CROT: variants seen among roughly 807,000 people sequenced by gnomAD.
CROT encodes peroxisomal carnitine O-octanoyltransferase.
Under a neutral mutation model 89.2 loss-of-function variants are expected in CROT, and 84 were observed. The ratio of observed to expected loss-of-function variants is 0.94; its 90% CI spans 0.79 to 1.13. CROT has a LOEUF of 1.13. Among genes scored for constraint, CROT ranks in the 50% most tolerant of loss-of-function variants. The probability of loss-of-function intolerance (pLI) is 0.00; values close to 1 mark genes in which losing one functional copy is unlikely to be tolerated. For synonymous variants in CROT, 212 were observed against 239.5 expected (o/e 0.89, Z 1.06); for missense variants, 711 against 727.8 (o/e 0.98, Z 0.27).
At chr7:87,350,909 G>A (rs1441545762) in intron 3 of CROT, among the ~76,000 whole-genome samples, 3 of 152,300 alleles carry the variant, frequency 2.0e-5, no homozygotes, top group Admixed American at 6.5e-5. Context: ...GCCTAAAGTG[G>A]TGATGTTATT....
chr7:87,361,506 G>A lies in CROT; in HGVS notation c.357G>A (p.Gly119=). 2 of 1,612,538 alleles carry A rather than the reference G, an allele frequency of 1.2e-6. No homozygotes were observed. The highest frequency in any genetic ancestry group is 1.7e-6 in the Non-Finnish European group (2 of 1,179,674). The change falls in exon 5 of 18, where the codon GGG becomes GGA. Residue 119 remains glycine, a synonymous_variant. Transcript: ENST00000331536. ...HFEHYWPPKE[G]TQLERGSITL... ...AACACTACTGGCCTCCAAAGGAAGG[G>A]ACTCAATTAGAAAGAGGAAGTATAA...
At chr7:87,376,376 T>G (rs552956037) in intron 9 of CROT, among the ~76,000 whole-genome samples, 1 of 152,220 alleles carries the variant, frequency 6.6e-6, no homozygotes, top group African/African-American at 2.4e-5. Context: ...GTCACCCTTG[T>G]AAGTCATTTA....
chr7:87,358,075 C>A (rs1247444287), intron 3 of CROT, among the ~76,000 whole-genome samples: 1 of 152,192 alleles, frequency 6.6e-6, no homozygotes, highest in Non-Finnish European at 1.5e-5. Context: ...TCCTTAACAA[C>A]ACTGTTAGAA....
At chr7:87,383,066 A>G (rs770088477) in intron 13 of CROT, among the ~76,000 whole-genome samples, 2 of 152,206 alleles carry the variant, frequency 1.3e-5, no homozygotes, top group Non-Finnish European at 2.9e-5. Context: ...AAATCACGGT[A>G]ATTGGGATGT....
chr7:87,393,425 A>G (rs1807431423), intron 17 of CROT, among the ~76,000 whole-genome samples: 1 of 152,226 alleles, frequency 6.6e-6, no homozygotes, highest in African/African-American at 2.4e-5. Context: ...ATGTAGTCAT[A>G]GACAATATTA....
At chr7:87,382,260 A>C in intron 12 of CROT, 79 bp downstream of exon 12, 1 of 1,426,084 alleles carries the variant, frequency 7.0e-7, no homozygotes, top group Non-Finnish European at 9.8e-7. Context: ...CTGTCATCCA[A>C]GCATGTCTGC....
chr7:87,349,912 T>C (rs1162367454), intron 3 of CROT, among the ~76,000 whole-genome samples: 5 of 152,144 alleles, frequency 3.3e-5, no homozygotes, highest in Admixed American at 3.3e-4. Flanking sequence ...CTCATAATAG[T>C]GTGCAGTGAG....
chr7:87,354,510 A>G, intron 3 of CROT: 2 of 439,724 alleles, frequency 4.5e-6, no homozygotes, highest in Non-Finnish European at 9.2e-6. Flanking sequence ...TGTATTTTAA[A>G]AGCCAAAAGT....
chr7:87,347,399 T>G (rs1307077104), intron 2 of CROT, among the ~76,000 whole-genome samples: 1 of 152,238 alleles, frequency 6.6e-6, no homozygotes, highest in Non-Finnish European at 1.5e-5. Flanking sequence ...TTGAATTGTA[T>G]GATTAACCAC....
intron 13 of CROT, among the ~76,000 whole-genome samples, chr7:87,383,466 CTGAG>C (rs1420577583): frequency 1.3e-5 from 2 of 150,842 alleles, no homozygotes; most frequent in Non-Finnish European, 3.0e-5. Flanking sequence ...TTTATTTTGG[CTGAG>C]TAATATTCCA....
chr7:87,381,941 A>T lies in CROT; in HGVS notation c.1010A>T (p.Asn337Ile). 1 of 1,610,950 alleles carries T rather than the reference A, an allele frequency of 6.2e-7. No homozygotes were observed. Among genetic ancestry groups the T allele is most frequent in the Non-Finnish European group, 8.5e-7 (1 of 1,178,390 alleles). ...HAPFDAMIMVNISYYVDEKIF... is the reference protein window; with the variant it reads ...HAPFDAMIMVIISYYVDEKIF... ...CCTTTTGATGCAATGATTATGGTGA[A>T]CATCAGTTATTATGTGGATGAGAAA... Residue 337 changes from asparagine to isoleucine, a missense_variant, in exon 11 of 18, where the codon AAC (asparagine) becomes ATC (isoleucine). Transcript: ENST00000331536.
chr7:87,355,050 T>C (rs1282768239), intron 3 of CROT, among the ~76,000 whole-genome samples: 2 of 152,120 alleles, frequency 1.3e-5, no homozygotes, highest in Non-Finnish European at 2.9e-5. Context: ...TACAAGATAC[T>C]TTTTCATACA....
Position 87,392,829 on chromosome 7 carries a change from A to G in CROT, c.1598+6A>G. On this transcript the variant is annotated splice_donor_region_variant and intron_variant, in intron 16 of 17. Transcript: ENST00000331536. ...GACCCACTTTTTTCCAAAAGGTAAT[A>G]TAGTGTAGTGTTTTACAGCTTCATC... 3 of 1,612,338 alleles carry G rather than the reference A, an allele frequency of 1.9e-6. No individual in the cohort carries two copies. Among genetic ancestry groups the G allele is most frequent in the South Asian group, 1.1e-5 (1 of 90,792 alleles).
chr7:87,371,656 TCTC>T (rs1223004434), intron 7 of CROT, among the ~76,000 whole-genome samples: 2 of 152,098 alleles, frequency 1.3e-5, no homozygotes, highest in African/African-American at 4.8e-5. Flanking sequence ...GACACCCACT[TCTC>T]CTAATCATTG....
chr7:87,381,992 AG>A lies in CROT; in HGVS notation c.1062+1del, dbSNP rs752698654. 7.5e-6 allele frequency: 12 copies of A among 1,599,668 alleles called. No individual in the cohort carries two copies. The highest frequency in any genetic ancestry group is 1.0e-5 in the Non-Finnish European group (12 of 1,168,556). ...ATTTTTCAGAATGAAGGAAGATGGA[AG>A]GTATGTTTGAATAAATATTTCATCT... ...EKIFQNEGRW[K>X]GSEKVRDIPL... On this transcript the variant is annotated frameshift_variant and splice_region_variant, in exon 11 of 18. Coordinates refer to ENST00000331536, the MANE Select transcript of CROT (RefSeq NM_021151.4). LOFTEE classifies it high-confidence loss of function.
chr7:87,395,912 G>C (rs1453007963), intron 17 of CROT, among the ~76,000 whole-genome samples: 1 of 152,154 alleles, frequency 6.6e-6, no homozygotes, highest in Non-Finnish European at 1.5e-5. Flanking sequence ...TACCCCAATG[G>C]AAGAGAACAT....
chr7:87,375,158 T>C (rs1405290877), intron 7 of CROT: 1 of 154,484 alleles, frequency 6.5e-6, no homozygotes, highest in Non-Finnish European at 1.4e-5. Context: ...TTATATGGTA[T>C]TTCTATTTTT....
intron 4 of CROT, chr7:87,359,589 C>G: frequency 1.6e-6 from 2 of 1,215,046 alleles, no homozygotes; most frequent in Non-Finnish European, 2.1e-6. Flanking sequence ...CTTATTTTAA[C>G]AATCACTTCA....
chr7:87,365,693 G>GACCT lies in CROT; in HGVS notation c.548-3682_548-3679dup, dbSNP rs796135424. 2.7e-5 allele frequency among the ~76,000 whole-genome samples: 4 copies of GACCT among 146,674 alleles called. No homozygotes were observed. In the South Asian group the frequency reaches 8.5e-4, roughly 31 times the overall value. On this transcript the variant is annotated intron_variant, in intron 6 of 17. Transcript: ENST00000331536. ...TGTGATCACAGCTCACTGCAACCTC[G>GACCT]ACCTCCTGGGCTCTAACAGTCCTCC...
Sources: gnomAD v4.1 joint callset for allele counts (sites outside exome capture counted in the v4.1 genomes callset) on GRCh38, gnomAD v4.1.1 for gene constraint, MANE v1.5 for transcripts, NCBI Gene and HGNC (gene_info 2026-07-23, HGNC 2026-07-21) for gene names.